The following LAMA2 variants were observed in gnomAD, a reference collection of about 807,000 sequenced individuals.
LAMA2 encodes the protein laminin subunit alpha-2.
Under a neutral mutation model 364.8 loss-of-function variants are expected in LAMA2, and 269 were observed. That is an observed-to-expected ratio of 0.74 (90% CI 0.67 to 0.82). The LOEUF is 0.82. Among genes scored for constraint, LAMA2 ranks in the 40% least tolerant of loss-of-function variants. LAMA2 has a pLI of 0.00. For missense variants in LAMA2, 3,807 were observed against 3,873.2 expected (o/e 0.98, Z 0.45); for synonymous variants, 1,379 against 1,370.6 (o/e 1.01, Z -0.14).
intron 2 of LAMA2, among the ~76,000 whole-genome samples, chr6:129,052,515 A>G (rs1323114378): frequency 1.3e-5 from 2 of 152,008 alleles, no homozygotes; most frequent in Non-Finnish European, 2.9e-5. Context: ...AATTAAGAGG[A>G]AAGTACAGAA....
rs367765202 is a variant in LAMA2 at position 129,443,073 on chromosome 6, G to T, written c.6274+5G>T. ...TGAAATTGCCTGCAGAAATCAGTAC[G>T]TATATGTTTACTTATATACCTTTTA... On this transcript the variant is annotated splice_donor_5th_base_variant and intron_variant, in intron 44 of 64. Coordinates refer to ENST00000421865, the MANE Select transcript of LAMA2 (RefSeq NM_000426.4). The T allele has an allele frequency of 6.3e-6, 10 of 1,591,688 alleles. No homozygotes were observed. Among genetic ancestry groups the T allele is most frequent in the Non-Finnish European group, 8.6e-6 (10 of 1,165,162 alleles).
At chr6:129,497,330 C>G (rs142972246) in intron 58 of LAMA2, among the ~76,000 whole-genome samples, 1 of 152,116 alleles carries the variant, frequency 6.6e-6, no homozygotes, top group African/African-American at 2.4e-5. Context: ...CTTAACCTCC[C>G]AGGCTCAGGC....
At chr6:128,961,348 T>TAATATG (rs1395711298) in intron 1 of LAMA2, among the ~76,000 whole-genome samples, 14 of 82,380 alleles carry the variant, frequency 1.7e-4, no homozygotes, top group African/African-American at 6.9e-4. Flanking sequence ...TATATATATA[T>TAATATG]ATATATATAT....
At chr6:129,243,028 C>T (rs265376) in intron 12 of LAMA2, among the ~76,000 whole-genome samples, 142,353 of 152,170 alleles carry the variant, frequency 0.94, 66,884 homozygotes, top group Non-Finnish European at 0.97. Context: ...GGGAAAGATA[C>T]GTGAAATAAG....
chr6:129,499,127 C>T (rs2114877464), intron 58 of LAMA2, among the ~76,000 whole-genome samples: 1 of 152,242 alleles, frequency 6.6e-6, no homozygotes, highest in African/African-American at 2.4e-5. Context: ...CAAGCAAAGG[C>T]AAATGAAAAA....
In LAMA2 at chr6:129,162,078, C is replaced by T. The variant is rs113868602; in HGVS notation, c.1207-3498C>T. On this transcript the variant is annotated intron_variant, in intron 8 of 64. Coordinates refer to ENST00000421865, the MANE Select transcript of LAMA2 (RefSeq NM_000426.4). ...TTAAGTTTTTTGAGAAATCTCCCAA[C>T]GGCTTCCCACAGTGTCTGAACTAAT... Among the ~76,000 whole-genome samples the T allele has an allele frequency of 1.2e-3, 190 of 152,276 alleles. 1 individual carries two copies. The highest frequency in any genetic ancestry group is 4.1e-3 in the African/African-American group (171 of 41,572).
intron 37 of LAMA2, among the ~76,000 whole-genome samples, chr6:129,400,992 G>A (rs183243302): frequency 1.0e-3 from 156 of 152,140 alleles, no homozygotes; most frequent in African/African-American, 3.4e-3. Flanking sequence ...ACTTTTCTTC[G>A]CTTGGATGAC....
chr6:129,074,598 T>C (rs1773512798), intron 3 of LAMA2, among the ~76,000 whole-genome samples: 1 of 152,202 alleles, frequency 6.6e-6, no homozygotes, highest in Non-Finnish European at 1.5e-5. Context: ...TTATGGTTGT[T>C]GTCTTTGAGA....
chr6:129,322,493 T>C (rs1775028171), intron 28 of LAMA2, among the ~76,000 whole-genome samples: 1 of 152,206 alleles, frequency 6.6e-6, no homozygotes, highest in African/African-American at 2.4e-5. Context: ...TTGGTTTTAC[T>C]TTTAACTGTG....
At chr6:129,052,947 CTTG>C (rs1788188892) in intron 2 of LAMA2, among the ~76,000 whole-genome samples, 1 of 107,160 alleles carries the variant, frequency 9.3e-6, no homozygotes, top group African/African-American at 4.4e-5. Flanking sequence ...GCAATTGACA[CTTG>C]TTTGATTAAA....
At chr6:129,409,593 A>G (rs1019821647) in intron 40 of LAMA2, among the ~76,000 whole-genome samples, 3 of 152,230 alleles carry the variant, frequency 2.0e-5, no homozygotes, top group African/African-American at 4.8e-5. Flanking sequence ...ACCAAAGCCC[A>G]GTAACAGGCC....
intron 1 of LAMA2, among the ~76,000 whole-genome samples, chr6:128,931,127 T>C (rs1779448625): frequency 6.6e-6 from 1 of 152,266 alleles, no homozygotes; most frequent in Non-Finnish European, 1.5e-5. Flanking sequence ...TGGACCATTT[T>C]TGTCTTAAAT....
intron 3 of LAMA2, among the ~76,000 whole-genome samples, chr6:129,072,688 C>A (rs1562213225): frequency 2.6e-5 from 4 of 151,496 alleles, no homozygotes; most frequent in Non-Finnish European, 5.9e-5. Flanking sequence ...TTAATTATTC[C>A]ATTTCTTCTT....
At chr6:129,043,781 T>A (rs957820741) in intron 1 of LAMA2, among the ~76,000 whole-genome samples, 2 of 152,206 alleles carry the variant, frequency 1.3e-5, no homozygotes, top group African/African-American at 4.8e-5. Flanking sequence ...CCCATTCTTT[T>A]TTGTTGTCGC....
intron 1 of LAMA2, among the ~76,000 whole-genome samples, chr6:128,896,629 T>C (rs1776794038): frequency 6.6e-6 from 1 of 152,238 alleles, no homozygotes; most frequent in African/African-American, 2.4e-5. Flanking sequence ...ATTTTCTCCA[T>C]AGAGTTCCTG....
At chr6:129,083,264 G>A (rs1285645179) in intron 3 of LAMA2, among the ~76,000 whole-genome samples, 2 of 152,124 alleles carry the variant, frequency 1.3e-5, no homozygotes, top group Non-Finnish European at 2.9e-5. Context: ...AATTGCAAAT[G>A]TATGATCTTA....
intron 8 of LAMA2, among the ~76,000 whole-genome samples, chr6:129,160,295 T>C (rs1193164336): frequency 1.3e-5 from 2 of 152,128 alleles, no homozygotes; most frequent in Admixed American, 6.5e-5. Context: ...TGTATTAATA[T>C]CTTTAGGGAG....
intron 12 of LAMA2, among the ~76,000 whole-genome samples, chr6:129,193,143 G>T (rs1781634056): frequency 6.6e-6 from 1 of 152,172 alleles, no homozygotes; most frequent in Non-Finnish European, 1.5e-5. Context: ...CAAATTATAG[G>T]TATTGGAAGA....
intron 4 of LAMA2, among the ~76,000 whole-genome samples, chr6:129,139,818 T>C (rs1180868494): frequency 6.6e-6 from 1 of 152,122 alleles, no homozygotes; most frequent in Non-Finnish European, 1.5e-5. Flanking sequence ...ACATATGGAT[T>C]TACTGTTCTG....
Sources: allele counts gnomAD v4.1 joint callset (sites outside exome capture counted in the v4.1 genomes callset), GRCh38; gene constraint gnomAD v4.1.1; transcripts MANE v1.5; gene names NCBI Gene and HGNC (gene_info 2026-07-23, HGNC 2026-07-21).